Variants in TENM3 observed in about 807,000 individuals in gnomAD.
The protein encoded by TENM3 is teneurin transmembrane protein 3, also known as teneurin-3.
TENM3 carries 63 observed loss-of-function variants against 255.1 expected under a neutral mutation model. The ratio of observed to expected loss-of-function variants is 0.25; its 90% CI spans 0.20 to 0.30. The LOEUF is 0.30. Ranked by LOEUF, TENM3 falls within the 10% of genes least tolerant of loss-of-function variation. The pLI, the probability that TENM3 is intolerant of heterozygous loss-of-function variation, is 1.00. For missense variants in TENM3, 2,929 were observed against 3,461.1 expected, an observed-to-expected ratio of 0.85 and a Z score of 3.86; for synonymous variants, 1,306 against 1,322.3, an observed-to-expected ratio of 0.99 and a Z score of 0.27.
intron 3 of TENM3, among the ~76,000 whole-genome samples, chr4:182,541,406 A>C (rs1209804623): frequency 6.6e-6 from 1 of 152,238 alleles, no homozygotes; most frequent in Non-Finnish European, 1.5e-5. Context: ...TCATTTGTGC[A>C]CATGAGCATC....
the TENM3 span, among the ~76,000 whole-genome samples, chr4:181,934,073 T>TGC: frequency 4.0e-5 from 6 of 148,446 alleles, no homozygotes; most frequent in African/African-American, 1.5e-4. Context: ...TGTGTGTGTG[T>TGC]GTGCGCGCGC....
chr4:182,264,770 ATGGCTAAAGT>A (rs1278326540), intron 1 of TENM3, among the ~76,000 whole-genome samples: 2 of 152,228 alleles, frequency 1.3e-5, no homozygotes, highest in Non-Finnish European at 2.9e-5. Context: ...GCCACTTGGC[ATGGCTAAAGT>A]TGGGTAATAA....
At chr4:182,106,959 G>A in the TENM3 span, among the ~76,000 whole-genome samples, 1 of 152,000 alleles carries the variant, frequency 6.6e-6, no homozygotes, top group African/African-American at 2.4e-5. Flanking sequence ...CAGTCCCAAG[G>A]ATTAAGCTGA....
At chr4:181,650,263 C>T in the TENM3 span, among the ~76,000 whole-genome samples, 2 of 152,190 alleles carry the variant, frequency 1.3e-5, no homozygotes, top group Non-Finnish European at 2.9e-5. Flanking sequence ...TAATCCTACT[C>T]ACTAGAATTT....
chr4:182,773,435 T>G lies in TENM3; in HGVS notation c.4893-37T>G, dbSNP rs530169318. Reference sequence around the variant, plus strand: ...TTATAAGTCAGAAGAAACTGCAGTTTCCTATTTAACACCAAGTTAATGCCT... The same window carrying G: ...TTATAAGTCAGAAGAAACTGCAGTTGCCTATTTAACACCAAGTTAATGCCT... On this transcript the variant is annotated intron_variant, in intron 22 of 27. Transcript: ENST00000511685. 3.9e-6 allele frequency: 6 copies of G among 1,548,140 alleles called. No homozygotes were observed. The African/African-American group carries it at 8.2e-5, about 21-fold the overall frequency.
chr4:182,216,525 C>T (rs149946717), intron 1 of TENM3, among the ~76,000 whole-genome samples: 294 of 152,320 alleles, frequency 1.9e-3, no homozygotes, highest in Non-Finnish European at 3.5e-3. Context: ...ATTTACCTGT[C>T]AGTTTCGTTA....
chr4:182,609,578 CACTT>C (rs1188673273), intron 4 of TENM3, among the ~76,000 whole-genome samples: 1 of 152,326 alleles, frequency 6.6e-6, no homozygotes, highest in Admixed American at 6.5e-5. Flanking sequence ...CGTAGCATCT[CACTT>C]CATATTCTGA....
At chr4:182,460,518 G>C (rs957786146) in intron 3 of TENM3, among the ~76,000 whole-genome samples, 1 of 152,152 alleles carries the variant, frequency 6.6e-6, no homozygotes, top group Non-Finnish European at 1.5e-5. Flanking sequence ...CTATACACTA[G>C]CGGTTGCCTG....
At chr4:182,141,388 T>C (rs934475796), upstream of TENM3, 2 of 152,282 alleles carry the variant, frequency 1.3e-5, no homozygotes, top group African/African-American at 4.8e-5. Context: ...GCGAGCTGCC[T>C]CTCTGCTTTC....
chr4:182,655,452 G>C (rs1252053481), intron 6 of TENM3, among the ~76,000 whole-genome samples: 1 of 152,130 alleles, frequency 6.6e-6, no homozygotes, highest in Non-Finnish European at 1.5e-5. Context: ...TGAGAAAGCT[G>C]TGGATTTAGA....
intron 2 of TENM3, among the ~76,000 whole-genome samples, chr4:182,331,826 A>T (rs189365661): frequency 6.6e-6 from 1 of 152,320 alleles, no homozygotes; most frequent in Non-Finnish European, 1.5e-5. Flanking sequence ...TAAAATGCGT[A>T]CCTTAAACAA....
the TENM3 span, among the ~76,000 whole-genome samples, chr4:182,002,105 T>A: frequency 3.3e-5 from 5 of 152,142 alleles, no homozygotes; most frequent in Non-Finnish European, 7.4e-5. Flanking sequence ...TCTTTTGTAT[T>A]ATAGGAGAAA....
At chr4:182,492,988 G>T (rs28360739) in intron 3 of TENM3, among the ~76,000 whole-genome samples, 8,562 of 151,986 alleles carry the variant, frequency 0.056, 310 homozygotes, top group Middle Eastern at 0.11. Flanking sequence ...GGAAGGAGTG[G>T]TTTATATTTT....
At chr4:182,048,392 C>T in the TENM3 span, among the ~76,000 whole-genome samples, 1 of 152,068 alleles carries the variant, frequency 6.6e-6, no homozygotes, top group Non-Finnish European at 1.5e-5. Context: ...CTCCTTAGTT[C>T]ACCGATTTTA....
the TENM3 span, among the ~76,000 whole-genome samples, chr4:181,651,642 G>GC: frequency 1.3e-5 from 2 of 151,890 alleles, no homozygotes; most frequent in African/African-American, 4.8e-5. Flanking sequence ...CCTATACTAG[G>GC]CATAGAGAAC....
intron 1 of TENM3, among the ~76,000 whole-genome samples, chr4:182,182,790 G>A (rs1044484948): frequency 2.0e-5 from 3 of 152,164 alleles, no homozygotes; most frequent in East Asian, 3.9e-4. Flanking sequence ...TAGAGTACAC[G>A]TGTAAAAAGT....
At chr4:181,753,520 T>C in the TENM3 span, among the ~76,000 whole-genome samples, 1 of 137,038 alleles carries the variant, frequency 7.3e-6, no homozygotes, top group Admixed American at 7.2e-5. Context: ...ACAGTTGTTT[T>C]TGCAAAAATG....
intron 1 of TENM3, among the ~76,000 whole-genome samples, chr4:182,209,480 A>G (rs575992800): frequency 2.0e-5 from 3 of 152,132 alleles, no homozygotes; most frequent in Non-Finnish European, 2.9e-5. Flanking sequence ...TGGCAGACCC[A>G]GTCTTTGCTG....
At chr4:182,312,725 T>C (rs1762527982) in intron 1 of TENM3, among the ~76,000 whole-genome samples, 1 of 152,180 alleles carries the variant, frequency 6.6e-6, no homozygotes, top group South Asian at 2.1e-4. Flanking sequence ...ATCATAGAAA[T>C]GTGTAAATAG....
Sources: allele counts gnomAD v4.1 joint callset (sites outside exome capture counted in the v4.1 genomes callset), GRCh38; gene constraint gnomAD v4.1.1; transcripts MANE v1.5; gene names NCBI Gene and HGNC (gene_info 2026-07-23, HGNC 2026-07-21).